The following CIB4 variants were observed in gnomAD, a reference collection of about 807,000 sequenced individuals.
The protein encoded by CIB4 is calcium and integrin binding family member 4.
A neutral mutation model predicts 25.8 loss-of-function variants in CIB4; 25 were observed. The observed-to-expected ratio is 0.97, with a 90% CI of 0.71 to 1.35. The LOEUF (loss-of-function observed/expected upper bound fraction) is 1.35. CIB4 is among the 40% of genes most tolerant of loss of function. The probability of loss-of-function intolerance (pLI) is 0.00; values close to 1 mark genes in which losing one functional copy is unlikely to be tolerated. For synonymous variants in CIB4, 75 were observed against 81.4 expected, an observed-to-expected ratio of 0.92 and a Z score of 0.42; for missense variants, 235 against 228.2, an observed-to-expected ratio of 1.03 and a Z score of -0.19.
intron 4 of CIB4, among the ~76,000 whole-genome samples, chr2:26,593,486 A>G (rs751085321): frequency 1.6e-4 from 24 of 147,166 alleles, no homozygotes. Flanking sequence ...TAAATAGCCT[A>G]TTGGTTCTGT....
At position 26,595,184 on chromosome 2, in the gene CIB4, C is replaced by T. The variant is rs201734017; in HGVS notation, c.320G>A (p.Arg107His). The change falls in exon 4 of 7, where the codon CGC (arginine) becomes CAC (histidine). Residue 107 changes from arginine (R) to histidine (H), a missense_variant. Physicochemically the swap from Arg to His is conservative, Grantham distance 29. Transcript: ENST00000288861. ...TCCCCCACAGCACCTACCATAGATG[C>T]GAAAGGCATACTCAATCTTCAGGCT... ...CPSLKIEYAF[R>H]IYDFNENGFI... 29 of 1,609,118 alleles carry T rather than the reference C, an allele frequency of 1.8e-5. 1 individual carries two copies. The highest frequency in any genetic ancestry group is 1.3e-4 in the African/African-American group (10 of 74,820).
intron 4 of CIB4, among the ~76,000 whole-genome samples, chr2:26,589,036 T>TTCTTCCTCTTCC (rs1558554700): frequency 1.2e-4 from 5 of 43,052 alleles, no homozygotes; most frequent in African/African-American, 4.9e-4. Context: ...CTTCTTCTTC[T>TTCTTCCTCTTCC]TCTTCTTCTT....
At chr2:26,590,480 T>C (rs1246738822) in intron 4 of CIB4, among the ~76,000 whole-genome samples, 1 of 151,954 alleles carries the variant, frequency 6.6e-6, no homozygotes, top group Non-Finnish European at 1.5e-5. Flanking sequence ...ACACCGGGGG[T>C]AGCAAGGGGC....
chr2:26,596,380 G>A (rs1668683073), intron 3 of CIB4, among the ~76,000 whole-genome samples: 1 of 152,178 alleles, frequency 6.6e-6, no homozygotes, highest in South Asian at 2.1e-4. Flanking sequence ...AGTCAGGAAG[G>A]TAAGCCCAGA....
At chr2:26,608,523 A>T (rs1254673714) in intron 3 of CIB4, among the ~76,000 whole-genome samples, 1 of 152,144 alleles carries the variant, frequency 6.6e-6, no homozygotes, top group Admixed American at 6.5e-5. Flanking sequence ...CAATCCTTAG[A>T]CTACATCCAC....
At chr2:26,600,029 C>T (rs144117073) in intron 3 of CIB4, among the ~76,000 whole-genome samples, 2,550 of 139,936 alleles carry the variant, frequency 0.018, 371 homozygotes, top group African/African-American at 0.069. Flanking sequence ...ACCAAGATCA[C>T]GCCACTGCAC....
chr2:26,584,093 TAGTA>T (rs951750393), intron 4 of CIB4, among the ~76,000 whole-genome samples, 195 bp from the exon 5 acceptor site: 5 of 152,214 alleles, frequency 3.3e-5, no homozygotes, highest in South Asian at 2.1e-4. Context: ...ATACCAATGG[TAGTA>T]AGTATCGATC....
intron 3 of CIB4, among the ~76,000 whole-genome samples, chr2:26,596,080 C>CA (rs774621454): frequency 6.6e-6 from 1 of 152,194 alleles, no homozygotes; most frequent in Non-Finnish European, 1.5e-5. Flanking sequence ...GAACAAATTT[C>CA]ACACTGTGAA....
chr2:26,605,408 G>A, intron 3 of CIB4: 1 of 447,264 alleles, frequency 2.2e-6, no homozygotes, highest in South Asian at 1.6e-5. Flanking sequence ...GTGCTCCTGG[G>A]CTACCTGCAA....
intron 2 of CIB4, among the ~76,000 whole-genome samples, chr2:26,632,183 A>T (rs972811658): frequency 6.6e-6 from 1 of 152,182 alleles, no homozygotes; most frequent in African/African-American, 2.4e-5. Context: ...GCCTCCTTCC[A>T]GTGGCATTGT....
In CIB4 at chr2:26,636,120, C is replaced by A. The variant is rs143400085; in HGVS notation, c.89+4413G>T. The stretch of plus-strand genomic sequence containing the variant: ...TTTCACTATAGATACTATCTTGTGA[C>A]CTCTTAGTAGAAAAAAAGAGGATTT... On this transcript the variant is annotated intron_variant, in intron 2 of 6. Transcript: ENST00000288861. Among the ~76,000 whole-genome samples the A allele has an allele frequency of 8.3e-3, 1,260 of 152,184 alleles. 15 individuals are homozygous for A. Among genetic ancestry groups the A allele is most frequent in the African/African-American group, 0.028 (1,158 of 41,508 alleles).
At chr2:26,618,676 G>C (rs1271620857) in intron 3 of CIB4, among the ~76,000 whole-genome samples, 1 of 152,190 alleles carries the variant, frequency 6.6e-6, no homozygotes, top group Non-Finnish European at 1.5e-5. Context: ...GGTCCAGTCG[G>C]ACCGGGTGCT....
intron 3 of CIB4, among the ~76,000 whole-genome samples, chr2:26,601,301 T>C (rs1668785376): frequency 6.7e-6 from 1 of 148,542 alleles, no homozygotes; most frequent in South Asian, 2.1e-4. Context: ...TAATGTGGTA[T>C]GGTATTTGTT....
At chr2:26,585,676 C>T (rs1668437751) in intron 4 of CIB4, among the ~76,000 whole-genome samples, 1 of 152,118 alleles carries the variant, frequency 6.6e-6, no homozygotes, top group Admixed American at 6.5e-5. Context: ...AATAACCCTA[C>T]TTACCTCCTT....
chr2:26,586,899 G>A (rs1476989698), intron 4 of CIB4, among the ~76,000 whole-genome samples: 1 of 152,192 alleles, frequency 6.6e-6, no homozygotes, highest in Non-Finnish European at 1.5e-5. Context: ...TCTATAAAGA[G>A]AAGGTGTGGT....
chr2:26,589,778 C>T (rs1668550230), intron 4 of CIB4, among the ~76,000 whole-genome samples: 1 of 152,154 alleles, frequency 6.6e-6, no homozygotes. Context: ...TAGTTCTAGC[C>T]AATGAAATAT....
At chr2:26,589,375 G>A (rs1471916672) in intron 4 of CIB4, among the ~76,000 whole-genome samples, 2 of 151,762 alleles carry the variant, frequency 1.3e-5, no homozygotes, top group Non-Finnish European at 2.9e-5. Context: ...AGGCTGGAGT[G>A]CAGTAGCACA....
chr2:26,633,489 G>A (rs528215572), intron 2 of CIB4, among the ~76,000 whole-genome samples: 1 of 152,306 alleles, frequency 6.6e-6, no homozygotes, highest in African/African-American at 2.4e-5. Flanking sequence ...TTCCAGGTGA[G>A]AGACTCGAGT....
chr2:26,624,108 A>T (rs1428683915), intron 3 of CIB4, among the ~76,000 whole-genome samples: 1 of 152,218 alleles, frequency 6.6e-6, no homozygotes, highest in East Asian at 1.9e-4. Flanking sequence ...ACTGATAGGC[A>T]GACCCTTCCC....
Sources: gnomAD v4.1 joint callset for allele counts (sites outside exome capture counted in the v4.1 genomes callset) on GRCh38, gnomAD v4.1.1 for gene constraint, MANE v1.5 for transcripts, NCBI Gene and HGNC (gene_info 2026-07-23, HGNC 2026-07-21) for gene names.